The following USP47 variants were observed in gnomAD, a reference collection of about 807,000 sequenced individuals.
USP47 encodes the protein ubiquitin specific peptidase 47, also known as ubiquitin carboxyl-terminal hydrolase 47.
In USP47, 35 loss-of-function variants were observed where a neutral mutation model predicts 165.1. The ratio of observed to expected loss-of-function variants is 0.21; its 90% CI spans 0.16 to 0.28. The LOEUF (loss-of-function observed/expected upper bound fraction) is 0.28, where lower values mean the gene tolerates loss of function less well. USP47 is among the 10% of genes least tolerant of loss of function. The probability of loss-of-function intolerance (pLI) is 1.00; values close to 1 mark genes in which losing one functional copy is unlikely to be tolerated. For missense variants in USP47, 1,277 were observed against 1,607.4 expected (o/e 0.79, Z 3.52); for synonymous variants, 531 against 544.5 (o/e 0.98, Z 0.35).
At chr11:11,849,174 G>T (rs773234224) in intron 1 of USP47, among the ~76,000 whole-genome samples, 5 of 147,374 alleles carry the variant, frequency 3.4e-5, no homozygotes, top group Non-Finnish European at 6.0e-5. Context: ...AAGTACTAGG[G>T]CTATAGGCGT....
chr11:11,871,099 G>T (rs1850007529), intron 1 of USP47, among the ~76,000 whole-genome samples: 1 of 152,078 alleles, frequency 6.6e-6, no homozygotes, highest in Admixed American at 6.6e-5. Flanking sequence ...GCTTCCTAAG[G>T]TTGGACCAGA....
At chr11:11,864,770 A>G (rs1236924208) in intron 1 of USP47, among the ~76,000 whole-genome samples, 1 of 152,056 alleles carries the variant, frequency 6.6e-6, no homozygotes, top group Non-Finnish European at 1.5e-5. Context: ...TTTTAATGTA[A>G]AGTAGATTTT....
chr11:11,896,966 A>G (rs372159805), intron 4 of USP47, among the ~76,000 whole-genome samples: 1 of 151,962 alleles, frequency 6.6e-6, no homozygotes, highest in Non-Finnish European at 1.5e-5. Flanking sequence ...GTGTGGATAC[A>G]TATCACCCTT....
intron 8 of USP47, among the ~76,000 whole-genome samples, chr11:11,914,506 C>A (rs1475146952): frequency 6.6e-6 from 1 of 152,050 alleles, no homozygotes; most frequent in East Asian, 1.9e-4. Context: ...TTTAGATTTG[C>A]TACCAAAAGT....
chr11:11,960,327 A>G lies in USP47; in HGVS notation c.*4152A>G, dbSNP rs1283777708. 6.6e-6 allele frequency among the ~76,000 whole-genome samples: 1 copy of G among 152,180 alleles called. No homozygotes were observed. Among genetic ancestry groups the G allele is most frequent in the East Asian group, 1.9e-4 (1 of 5,184 alleles). ...TACTGTCCCCTTGTGCCTGGTCACT[A>G]GTAACTTTTTTGTAGACATGAAGGT... On this transcript the variant is annotated 3_prime_UTR_variant, in exon 28 of 28. Transcript: ENST00000527733.
At chr11:11,870,552 T>C in intron 1 of USP47, among the ~76,000 whole-genome samples, 1 of 152,304 alleles carries the variant, frequency 6.6e-6, no homozygotes, top group East Asian at 1.9e-4. Flanking sequence ...ATGCAAATTC[T>C]TTGAGTTTTC....
rs200799514 is a variant in USP47 at position 11,903,264 on chromosome 11, T to C, written c.741T>C (p.Ala247=). The change falls in exon 7 of 28, where the codon GCT becomes GCC. Residue 247 remains alanine, a splice_region_variant and synonymous_variant. Coordinates refer to ENST00000527733, the MANE Select transcript of USP47 (RefSeq NM_001282659.2). ...TAATTGAATTTTATCTTAAAACAGC[T>C]TGGCAGCAGCATGATGTACAAGAAC... ...TRSFGWDSSE[A]WQQHDVQELC... 64 of 1,607,774 alleles carry C rather than the reference T, an allele frequency of 4.0e-5. No individual in the cohort carries two copies. In the African/African-American group the frequency reaches 7.5e-4, roughly 19 times the overall value.
chr11:11,932,179 C>T (rs1430762023), intron 14 of USP47, among the ~76,000 whole-genome samples: 2 of 152,014 alleles, frequency 1.3e-5, no homozygotes, highest in African/African-American at 2.4e-5. Flanking sequence ...AAGCAAGTTC[C>T]GGGGTTGGGG....
chr11:11,900,183 C>T (rs564399144), intron 5 of USP47, among the ~76,000 whole-genome samples: 8 of 110,840 alleles, frequency 7.2e-5, no homozygotes, highest in African/African-American at 2.5e-4. Flanking sequence ...TTTTTTGAGA[C>T]GGAGTCTCGC....
At chr11:11,865,496 T>G (rs1432928291) in intron 1 of USP47, among the ~76,000 whole-genome samples, 2 of 151,728 alleles carry the variant, frequency 1.3e-5, no homozygotes, top group East Asian at 3.9e-4. Flanking sequence ...AGACTTTCTG[T>G]TTTTTTTCAG....
chr11:11,932,194 G>A (rs1180869114), intron 14 of USP47, among the ~76,000 whole-genome samples: 1 of 151,994 alleles, frequency 6.6e-6, no homozygotes, highest in Non-Finnish European at 1.5e-5. Context: ...TTGGGGGAGG[G>A]GTGCCACACA....
intron 10 of USP47, among the ~76,000 whole-genome samples, chr11:11,922,184 A>G (rs1853885191): frequency 6.6e-6 from 1 of 151,978 alleles, no homozygotes; most frequent in Non-Finnish European, 1.5e-5. Flanking sequence ...ATAAAGTAGA[A>G]AAGTATAATG....
chr11:11,919,543 G>A (rs907945824), intron 8 of USP47, among the ~76,000 whole-genome samples: 6 of 151,764 alleles, frequency 4.0e-5, no homozygotes, highest in Admixed American at 1.3e-4. Flanking sequence ...AGAGAACCAC[G>A]TGGTTCTACC....
rs1847225124 is a variant in USP47 at position 11,956,895 on chromosome 11, C to T, written c.*720C>T. 1 of 152,264 alleles carries T rather than the reference C, an allele frequency of 6.6e-6. No individual in the cohort carries two copies. The highest frequency in any genetic ancestry group is 2.1e-4 in the South Asian group (1 of 4,824). 9.4% of individuals were successfully genotyped at this position (152,264 alleles called of 1,614,324 possible). On this transcript the variant is annotated 3_prime_UTR_variant, in exon 28 of 28. Coordinates refer to ENST00000527733, the MANE Select transcript of USP47 (RefSeq NM_001282659.2). ...AGTTATGGATGTAGAGAATATGTTTCATTCATTTATTCAGCATGTAAATAA... is the reference window on the plus strand; with the variant it reads ...AGTTATGGATGTAGAGAATATGTTTTATTCATTTATTCAGCATGTAAATAA...
Position 11,932,903 on chromosome 11 carries a change from G to T in USP47, c.1652-101G>T. Reference sequence around the variant, plus strand: ...GTAATGGAGATATATCTCCATGAGTGCTACAGTAGAAGTATATACCATGAG... The same window carrying T: ...GTAATGGAGATATATCTCCATGAGTTCTACAGTAGAAGTATATACCATGAG... On this transcript the variant is annotated intron_variant, in intron 14 of 27. Coordinates refer to ENST00000527733, the MANE Select transcript of USP47 (RefSeq NM_001282659.2). 1.2e-6 allele frequency: 1 copy of T among 802,618 alleles called. No individual in the cohort carries two copies. The highest frequency in any genetic ancestry group is 2.0e-6 in the Non-Finnish European group (1 of 500,074). The allele number at this position is 802,618 out of a possible 1,614,324, so 49.7% of individuals were successfully genotyped here.
At chr11:11,943,299 A>C in intron 20 of USP47, 187 bp downstream of exon 20, 1 of 477,506 alleles carries the variant, frequency 2.1e-6, no homozygotes, top group Non-Finnish European at 3.5e-6. Flanking sequence ...GATGGTAATT[A>C]TATCAGAACT....
Position 11,897,589 on chromosome 11 carries a change from C to T in USP47, c.497-8C>T. The T allele has an allele frequency of 6.3e-7, 1 of 1,583,226 alleles. No homozygotes were observed. Among genetic ancestry groups the T allele is most frequent in the South Asian group, 1.2e-5 (1 of 86,152 alleles). On this transcript the variant is annotated splice_region_variant and splice_polypyrimidine_tract_variant and intron_variant, in intron 4 of 27. Transcript: ENST00000527733. The stretch of plus-strand genomic sequence containing the variant: ...TGATTAATGTACATTTGTATTTTCT[C>T]TTTAAAGGATATGTGGGACTAGTAA...
At chr11:11,884,796 C>G (rs1851049566) in intron 3 of USP47, 2 of 421,350 alleles carry the variant, frequency 4.7e-6, no homozygotes, top group South Asian at 6.5e-5. Flanking sequence ...CTGTTGCCGC[C>G]TTGGATTTAA....
chr11:11,890,510 C>G (rs1234218290), intron 3 of USP47, among the ~76,000 whole-genome samples: 2 of 152,118 alleles, frequency 1.3e-5, no homozygotes, highest in Non-Finnish European at 2.9e-5. Context: ...CCACACCTGT[C>G]AGAATGGCAG....
Sources: allele counts gnomAD v4.1 joint callset (sites outside exome capture counted in the v4.1 genomes callset), GRCh38; gene constraint gnomAD v4.1.1; transcripts MANE v1.5; gene names NCBI Gene and HGNC (gene_info 2026-07-23, HGNC 2026-07-21).